Variants in ZNF92 observed in about 807,000 individuals in gnomAD.
The protein encoded by ZNF92 is zinc finger protein 92, also known as epididymis luminal protein 203.
A neutral mutation model predicts 12.4 loss-of-function variants in ZNF92; 11 were observed. That is an observed-to-expected ratio of 0.89 (90% CI 0.56 to 1.47). The LOEUF is 1.47. ZNF92 is among the 40% of genes most tolerant of loss of function. ZNF92 has a pLI of 0.00. For synonymous variants in ZNF92, 206 were observed against 228.6 expected, an observed-to-expected ratio of 0.90 and a Z score of 0.89; for missense variants, 622 against 681.0, an observed-to-expected ratio of 0.91 and a Z score of 0.96.
In ZNF92 at chr7:65,388,890, A is replaced by G; in HGVS notation, c.215A>G (p.Asp72Gly). 1 of 1,579,668 alleles carries G rather than the reference A, an allele frequency of 6.3e-7. No individual in the cohort carries two copies. The highest frequency in any genetic ancestry group is 8.6e-7 in the Non-Finnish European group (1 of 1,159,630). ...AATCTGAAGAGACATGAGATGGTAG[A>G]CAAAACCCCAGGTAGGTGACAGTTA... ...PWNLKRHEMV[D>G]KTPVMCSHFA... The change falls in exon 3 of 4, where the codon GAC becomes GGC. Residue 72 changes from aspartate (D) to glycine (G), a missense_variant. Transcript: ENST00000328747.
At chr7:65,389,972 C>T (rs1158324653) in intron 3 of ZNF92, among the ~76,000 whole-genome samples, 1 of 151,884 alleles carries the variant, frequency 6.6e-6, no homozygotes, top group Non-Finnish European at 1.5e-5. Flanking sequence ...GCTGGGACTA[C>T]AGGTGCGAAC....
At chr7:65,378,794 T>C (rs917868622) in intron 1 of ZNF92, among the ~76,000 whole-genome samples, 1 of 152,098 alleles carries the variant, frequency 6.6e-6, no homozygotes, top group Non-Finnish European at 1.5e-5. Context: ...ATTCAGCTGA[T>C]TTTTTAAATG....
chr7:65,392,468 C>A (rs1793740991), intron 3 of ZNF92, among the ~76,000 whole-genome samples: 1 of 151,118 alleles, frequency 6.6e-6, no homozygotes, highest in African/African-American at 2.4e-5. Context: ...CATTGCCAGG[C>A]ATGGTGGTGG....
In ZNF92 at chr7:65,388,037, AACTTCAAT is replaced by A; in HGVS notation, c.130+12_130+19del. ...AAACCTGGTCTTCCTTGGTGAGGAT[AACTTCAAT>A]ACACAATACACAATGCTCTAAAAGT... On this transcript the variant is annotated intron_variant, in intron 2 of 3. Coordinates refer to ENST00000328747, the MANE Select transcript of ZNF92 (RefSeq NM_152626.4). 1.2e-6 allele frequency: 2 copies of A among 1,600,780 alleles called. No individual in the cohort carries two copies. The highest frequency in any genetic ancestry group is 1.7e-6 in the Non-Finnish European group (2 of 1,173,852).
At chr7:65,378,877 T>C (rs1222917549) in intron 1 of ZNF92, among the ~76,000 whole-genome samples, 2 of 152,190 alleles carry the variant, frequency 1.3e-5, no homozygotes, top group Non-Finnish European at 2.9e-5. Context: ...TAAGTCATAA[T>C]GGTAAGAGTG....
Position 65,400,178 on chromosome 7 carries a change from A to G in ZNF92, c.*303A>G, listed in dbSNP as rs571472127. On this transcript the variant is annotated 3_prime_UTR_variant, in exon 4 of 4. Coordinates refer to ENST00000328747, the MANE Select transcript of ZNF92 (RefSeq NM_152626.4). ...ATCAGTTCATACTTAATAAAATGCA[A>G]TTACCGTCAAATCTTTCAGAAAATA... 11 of 207,892 alleles carry G rather than the reference A, an allele frequency of 5.3e-5. No homozygotes were observed. The East Asian group carries it at 9.4e-4, about 18-fold the overall frequency. The allele number at this position is 207,892 out of a possible 1,614,324, so 12.9% of individuals were successfully genotyped here. A position where few individuals can be genotyped will look rare whatever the true frequency, so the allele number is the denominator to read the frequency against.
At chr7:65,388,715 A>G in intron 2 of ZNF92, 91 bp from the exon 3 acceptor site, 1 of 1,001,210 alleles carries the variant, frequency 1.0e-6, no homozygotes, top group South Asian at 1.4e-5. Flanking sequence ...TTACTAGATT[A>G]ATCTATTGCA....
chr7:65,382,620 G>A (rs374314902), intron 1 of ZNF92, among the ~76,000 whole-genome samples: 4 of 152,194 alleles, frequency 2.6e-5, no homozygotes, highest in Admixed American at 2.6e-4. Flanking sequence ...AATGACTCTT[G>A]TATCTTTAGA....
chr7:65,385,877 A>AG (rs1248410802), intron 1 of ZNF92, among the ~76,000 whole-genome samples: 4 of 152,056 alleles, frequency 2.6e-5, no homozygotes, highest in African/African-American at 9.7e-5. Context: ...AAAGTGTCTC[A>AG]GATCAAGAGC....
At chr7:65,379,575 A>G (rs1291238061) in intron 1 of ZNF92, among the ~76,000 whole-genome samples, 1 of 152,200 alleles carries the variant, frequency 6.6e-6, no homozygotes, top group Non-Finnish European at 1.5e-5. Flanking sequence ...CTAGACATTG[A>G]TGTGCACACA....
At chr7:65,397,913 G>C (rs1334442987) in intron 3 of ZNF92, among the ~76,000 whole-genome samples, 1 of 152,036 alleles carries the variant, frequency 6.6e-6, no homozygotes, top group Non-Finnish European at 1.5e-5. Context: ...TTATGGCATG[G>C]GAGACAGAAA....
intron 1 of ZNF92, among the ~76,000 whole-genome samples, chr7:65,385,872 G>A (rs532678839): frequency 2.6e-5 from 4 of 151,880 alleles, no homozygotes; most frequent in Admixed American, 2.0e-4. Flanking sequence ...CGCTAAAAGT[G>A]TCTCAGATCA....
intron 3 of ZNF92, among the ~76,000 whole-genome samples, chr7:65,396,624 A>G (rs933051305): frequency 1.3e-5 from 2 of 152,104 alleles, no homozygotes; most frequent in Non-Finnish European, 2.9e-5. Flanking sequence ...ATATTTATAT[A>G]TGGTTTTATG....
At position 65,388,778 on chromosome 7, in the gene ZNF92, T is replaced by C. The variant is rs758398025; in HGVS notation, c.131-28T>C. 5 of 1,541,888 alleles carry C rather than the reference T, an allele frequency of 3.2e-6. 1 individual carries two copies. The Admixed American group carries it at 8.7e-5, about 27-fold the overall frequency. On this transcript the variant is annotated intron_variant, in intron 2 of 3. Coordinates refer to ENST00000328747, the MANE Select transcript of ZNF92 (RefSeq NM_152626.4). Reference sequence around the variant, plus strand: ...TGGTAATTGGAGAATATGAGCAAGATTTATGTTATTTATTTTTAATAAAAC... The same window carrying C: ...TGGTAATTGGAGAATATGAGCAAGACTTATGTTATTTATTTTTAATAAAAC...
chr7:65,399,112 T>C lies in ZNF92; in HGVS notation c.998T>C (p.Ile333Thr). The change falls in exon 4 of 4, where the codon ATA (isoleucine) becomes ACA (threonine). Residue 333 changes from isoleucine (I) to threonine (T), a missense_variant. Coordinates refer to ENST00000328747, the MANE Select transcript of ZNF92 (RefSeq NM_152626.4). ...RVFSILKKHK[I>T]IHTGEKPYKC... ...TTCTCAATTCTTAAAAAACATAAGA[T>C]AATCCATACTGGGGAAAAACCATAC... is the stretch of plus-strand genomic sequence containing the variant. 6.2e-7 allele frequency: 1 copy of C among 1,611,980 alleles called. No homozygotes were observed. Among genetic ancestry groups the C allele is most frequent in the South Asian group, 1.1e-5 (1 of 90,856 alleles).
chr7:65,380,003 A>G (rs1261073012), intron 1 of ZNF92, among the ~76,000 whole-genome samples: 1 of 151,578 alleles, frequency 6.6e-6, no homozygotes, highest in Non-Finnish European at 1.5e-5. Context: ...TTTTTTCCTG[A>G]TCCTCTTTGT....
chr7:65,379,037 A>G (rs1454663333), intron 1 of ZNF92, among the ~76,000 whole-genome samples: 1 of 150,492 alleles, frequency 6.6e-6, no homozygotes, highest in Non-Finnish European at 1.5e-5. Context: ...CCCGGGTTGT[A>G]TCATTTATAA....
At chr7:65,397,708 G>A (rs895977918) in intron 3 of ZNF92, among the ~76,000 whole-genome samples, 5 of 152,080 alleles carry the variant, frequency 3.3e-5, no homozygotes. Context: ...TTCTTAGGAT[G>A]TGCCTTGTCT....
intron 3 of ZNF92, among the ~76,000 whole-genome samples, chr7:65,395,973 G>T (rs1403296905): frequency 6.6e-6 from 1 of 152,110 alleles, no homozygotes; most frequent in Non-Finnish European, 1.5e-5. Context: ...TTGCAGTGGT[G>T]TGATCATGGC....
Sources: gnomAD v4.1 joint callset for allele counts (sites outside exome capture counted in the v4.1 genomes callset) on GRCh38, gnomAD v4.1.1 for gene constraint, MANE v1.5 for transcripts, NCBI Gene and HGNC (gene_info 2026-07-23, HGNC 2026-07-21) for gene names.